SLC9A9: variants seen among roughly 807,000 people sequenced by gnomAD.
SLC9A9 encodes the protein solute carrier family 9 member A9.
In SLC9A9, 62 loss-of-function variants were observed where a neutral mutation model predicts 77.8. The observed-to-expected ratio is 0.80, with a 90% CI of 0.65 to 0.98. The LOEUF is 0.98. Among genes scored for constraint, SLC9A9 ranks in the 50% least tolerant of loss-of-function variants. SLC9A9 has a pLI of 0.00. For synonymous variants in SLC9A9, 320 were observed against 283.5 expected, an observed-to-expected ratio of 1.13 and a Z score of -1.29; for missense variants, 775 against 774.9, an observed-to-expected ratio of 1.00 and a Z score of 0.00.
chr3:143,755,648 T>A (rs1245017957), intron 4 of SLC9A9, among the ~76,000 whole-genome samples: 1 of 152,284 alleles, frequency 6.6e-6, no homozygotes, highest in South Asian at 2.1e-4. Flanking sequence ...GATAGAAATA[T>A]GGCAGGATTG....
At chr3:143,274,072 A>G (rs566205863) in intron 14 of SLC9A9, among the ~76,000 whole-genome samples, 43 of 152,332 alleles carry the variant, frequency 2.8e-4, no homozygotes, top group African/African-American at 1.0e-3. Flanking sequence ...CAACAAAATG[A>G]ATACTCAATG....
chr3:143,527,298 A>T (rs1222671869), intron 9 of SLC9A9, among the ~76,000 whole-genome samples: 3 of 152,244 alleles, frequency 2.0e-5, no homozygotes, highest in African/African-American at 7.2e-5. Context: ...CACATCAGTC[A>T]TATTGAAGCA....
chr3:143,547,511 T>G (rs1471350336), intron 9 of SLC9A9, among the ~76,000 whole-genome samples: 2 of 152,260 alleles, frequency 1.3e-5, no homozygotes, highest in Non-Finnish European at 2.9e-5. Context: ...CGTACATGCC[T>G]GTACTTAAAG....
At chr3:143,496,950 C>T (rs1026663181) in intron 9 of SLC9A9, among the ~76,000 whole-genome samples, 1 of 152,156 alleles carries the variant, frequency 6.6e-6, no homozygotes, top group Non-Finnish European at 1.5e-5. Context: ...AGGCCATCTA[C>T]TCGCTATGTC....
At chr3:143,619,114 T>A (rs1346869208) in intron 6 of SLC9A9, among the ~76,000 whole-genome samples, 1 of 152,248 alleles carries the variant, frequency 6.6e-6, no homozygotes, top group Non-Finnish European at 1.5e-5. Context: ...CTAAGCCCTG[T>A]ATTTTATTGA....
chr3:143,767,090 A>G (rs1288148422), intron 4 of SLC9A9, among the ~76,000 whole-genome samples: 1 of 152,162 alleles, frequency 6.6e-6, no homozygotes, highest in Non-Finnish European at 1.5e-5. Context: ...TATTATGGTT[A>G]TGGTGTTTAT....
intron 12 of SLC9A9, among the ~76,000 whole-genome samples, chr3:143,434,107 C>G (rs1448266647): frequency 6.6e-6 from 1 of 152,022 alleles, no homozygotes; most frequent in Non-Finnish European, 1.5e-5. Flanking sequence ...TAATAATACC[C>G]CCCAAACACT....
intron 4 of SLC9A9, among the ~76,000 whole-genome samples, chr3:143,720,202 A>C (rs1181553245): frequency 1.3e-5 from 2 of 151,534 alleles, no homozygotes; most frequent in African/African-American, 2.4e-5. Context: ...TAAGATGCAT[A>C]TATGTACATG....
intron 6 of SLC9A9, among the ~76,000 whole-genome samples, chr3:143,623,230 C>G (rs761725292): frequency 6.6e-6 from 1 of 152,096 alleles, no homozygotes; most frequent in Non-Finnish European, 1.5e-5. Flanking sequence ...ACAAGGATAT[C>G]CAGGAATTGA....
At chr3:143,674,260 C>T (rs1216506685) in intron 5 of SLC9A9, among the ~76,000 whole-genome samples, 2 of 152,186 alleles carry the variant, frequency 1.3e-5, no homozygotes, top group Non-Finnish European at 1.5e-5. Flanking sequence ...TCCATTCACC[C>T]ATGACACTAA....
rs201099852 is a variant in SLC9A9 at position 143,393,306 on chromosome 3, C to G, written c.1470-11192G>C. 2.0e-5 allele frequency among the ~76,000 whole-genome samples: 3 copies of G among 152,324 alleles called. No individual in the cohort carries two copies. The East Asian group carries it at 5.8e-4, about 29-fold the overall frequency. Reference sequence around the variant, plus strand: ...TCAGGATTAAGAAACTCACTCAAAACCACTCAACTACATGCAAACTGAACA... The same window carrying G: ...TCAGGATTAAGAAACTCACTCAAAAGCACTCAACTACATGCAAACTGAACA... On this transcript the variant is annotated intron_variant, in intron 12 of 15. Transcript: ENST00000316549.
At chr3:143,664,607 T>C (rs2039033162) in intron 5 of SLC9A9, among the ~76,000 whole-genome samples, 1 of 152,110 alleles carries the variant, frequency 6.6e-6, no homozygotes, top group African/African-American at 2.4e-5. Context: ...GAGACACACA[T>C]AGGCTCAAAA....
chr3:143,297,155 G>A (rs1303446501), intron 14 of SLC9A9, among the ~76,000 whole-genome samples: 1 of 152,128 alleles, frequency 6.6e-6, no homozygotes, highest in East Asian at 1.9e-4. Flanking sequence ...ACAGTTTCAG[G>A]TCTGAATTTA....
intron 9 of SLC9A9, chr3:143,517,693 A>G: frequency 6.3e-7 from 1 of 1,597,656 alleles, no homozygotes; most frequent in Non-Finnish European, 8.5e-7. Flanking sequence ...GAGCTGAATC[A>G]GGATTTATTT....
At chr3:143,649,315 GACATTCCCTTTATGCTTGAAATAAGA>G (rs1246671792) in intron 6 of SLC9A9, among the ~76,000 whole-genome samples, 2 of 152,204 alleles carry the variant, frequency 1.3e-5, no homozygotes, top group Non-Finnish European at 2.9e-5. Context: ...GTTTGAGCAT[GACATTCCCTTTATGCTTGAAATAAGA>G]GTATGGGTTA....
chr3:143,381,164 G>A (rs536511229), intron 13 of SLC9A9, among the ~76,000 whole-genome samples: 85 of 152,116 alleles, frequency 5.6e-4, no homozygotes, highest in Admixed American at 1.8e-3. Context: ...CCTACTTGAG[G>A]TGATATGGTT....
At chr3:143,547,887 G>A (rs2036815278) in intron 9 of SLC9A9, among the ~76,000 whole-genome samples, 1 of 152,134 alleles carries the variant, frequency 6.6e-6, no homozygotes, top group African/African-American at 2.4e-5. Flanking sequence ...CTACTATGAA[G>A]TTCCTCAACT....
At position 143,493,636 on chromosome 3, in the gene SLC9A9, T is replaced by C. The variant is rs757326877; in HGVS notation, c.1315+17A>G. ...TGAGAAAACCAGCAGCACTAACATA[T>C]AACATAGTTCACATACCTGAAAACA... On this transcript the variant is annotated intron_variant, in intron 11 of 15. Transcript: ENST00000316549. 3 of 1,599,902 alleles carry C rather than the reference T, an allele frequency of 1.9e-6. No homozygotes were observed. The highest frequency in any genetic ancestry group is 2.6e-6 in the Non-Finnish European group (3 of 1,167,140).
intron 8 of SLC9A9, among the ~76,000 whole-genome samples, chr3:143,570,875 T>C (rs1324559639): frequency 6.6e-6 from 1 of 152,222 alleles, no homozygotes; most frequent in Non-Finnish European, 1.5e-5. Flanking sequence ...TAAGTGATTC[T>C]AAATTTATTT....
Sources: allele counts gnomAD v4.1 joint callset (sites outside exome capture counted in the v4.1 genomes callset), GRCh38; gene constraint gnomAD v4.1.1; transcripts MANE v1.5; gene names NCBI Gene and HGNC (gene_info 2026-07-23, HGNC 2026-07-21).